ACSF3: variants seen among roughly 807,000 people sequenced by gnomAD.
ACSF3 encodes acyl-CoA synthetase family member 3.
A neutral mutation model predicts 53.2 loss-of-function variants in ACSF3; 78 were observed. The observed-to-expected ratio is 1.47, with a 90% CI of 1.22 to 1.77. The LOEUF (loss-of-function observed/expected upper bound fraction) is 1.77, where lower values mean the gene tolerates loss of function less well. ACSF3 is among the 40% of genes most tolerant of loss of function. The pLI, the probability that ACSF3 is intolerant of heterozygous loss-of-function variation, is 0.00. For synonymous variants in ACSF3, 414 were observed against 333.1 expected (o/e 1.24, Z -2.65); for missense variants, 937 against 771.1 (o/e 1.22, Z -2.55).
In ACSF3 at chr16:89,100,787, C is replaced by T; in HGVS notation, c.106C>T (p.Pro36Ser). 6.2e-7 allele frequency: 1 copy of T among 1,611,688 alleles called. No individual in the cohort carries two copies. Among genetic ancestry groups the T allele is most frequent in the South Asian group, 1.1e-5 (1 of 91,078 alleles). The change falls in exon 3 of 11, where the codon CCA (proline) becomes TCA (serine). Residue 36 changes from proline (P) to serine (S), a missense_variant. Coordinates refer to ENST00000614302, the MANE Select transcript of ACSF3 (RefSeq NM_001243279.3). ...HRGSGLLHTAPVARSDRSAPV... is the reference protein window; with the variant it reads ...HRGSGLLHTASVARSDRSAPV... ...AGGAAGTGGTCTTCTGCACACAGCCCCAGTGGCCCGCTCGGACAGGAGCGC... is the reference window on the plus strand; with the variant it reads ...AGGAAGTGGTCTTCTGCACACAGCCTCAGTGGCCCGCTCGGACAGGAGCGC...
chr16:89,124,510 A>G (rs1252924383), intron 7 of ACSF3, among the ~76,000 whole-genome samples: 1 of 151,562 alleles, frequency 6.6e-6, no homozygotes, highest in East Asian at 1.9e-4. Context: ...ACCTGTGCAC[A>G]TGCTGCATGT....
chr16:89,096,470 C>G (rs559269536), intron 1 of ACSF3, among the ~76,000 whole-genome samples: 1 of 152,146 alleles, frequency 6.6e-6, no homozygotes, highest in Non-Finnish European at 1.5e-5. Flanking sequence ...GGCTCTGATC[C>G]GATGACCGTG....
At position 89,154,254 on chromosome 16, in the gene ACSF3, C is replaced by T. The variant is rs201698539; in HGVS notation, c.*47C>T. ...GTCTGGTGGGGAGCAGCAGACGTCC[C>T]CTTCACACCGAGAACCACGGGGGCC... On this transcript the variant is annotated 3_prime_UTR_variant, in exon 11 of 11. Transcript: ENST00000614302. 3,412 of 1,580,832 alleles carry T rather than the reference C, an allele frequency of 2.2e-3. 8 individuals are homozygous for T. The highest frequency in any genetic ancestry group is 2.8e-3 in the Non-Finnish European group (3,183 of 1,156,176).
At chr16:89,130,858 C>A (rs376576708) in intron 7 of ACSF3, among the ~76,000 whole-genome samples, 1 of 152,164 alleles carries the variant, frequency 6.6e-6, no homozygotes, top group Admixed American at 6.5e-5. Context: ...GTAGCATGAA[C>A]GTTAGCCCTC....
At chr16:89,140,443 C>G (rs966166890) in intron 8 of ACSF3, among the ~76,000 whole-genome samples, 1 of 152,314 alleles carries the variant, frequency 6.6e-6, no homozygotes, top group Admixed American at 6.5e-5. Context: ...TCGGCTTGGG[C>G]GGGGTCCTTG....
At chr16:89,100,529 G>T in intron 2 of ACSF3, 133 bp from the exon 3 acceptor site, 1 of 882,780 alleles carries the variant, frequency 1.1e-6, no homozygotes, top group Non-Finnish European at 1.7e-6. Flanking sequence ...TGGCCTGTCT[G>T]GTGCGCTGCC....
At chr16:89,145,496 C>G in intron 9 of ACSF3, 95 bp downstream of exon 9, 2 of 1,462,816 alleles carry the variant, frequency 1.4e-6, no homozygotes, top group Non-Finnish European at 1.9e-6. Flanking sequence ...CGACGCCGTC[C>G]CAGCTGCCTG....
rs528379854 is a variant in ACSF3, at chr16:89,108,309, C to T, written c.823-3783C>T. ...TTCATTTGTCCCTACAGAGGTTCTC[C>T]GCGAAGCACTGTGCTTCCCCCAACT... is the stretch of plus-strand genomic sequence containing the variant. On this transcript the variant is annotated intron_variant, in intron 4 of 10. Transcript: ENST00000614302. Among the ~76,000 whole-genome samples, 14 of 152,250 alleles carry T rather than the reference C, an allele frequency of 9.2e-5. No individual in the cohort carries two copies. In the South Asian group the frequency reaches 1.7e-3, roughly 18 times the overall value.
intron 8 of ACSF3, among the ~76,000 whole-genome samples, chr16:89,136,211 C>T (rs1382444854): frequency 6.6e-6 from 1 of 152,256 alleles, no homozygotes; most frequent in Non-Finnish European, 1.5e-5. Flanking sequence ...AGATGCGGGG[C>T]TGCGAGCGTG....
chr16:89,151,011 A>G lies in ACSF3; in HGVS notation c.1614-3079A>G, dbSNP rs1199675531. The G allele has an allele frequency of 3.9e-6, 5 of 1,287,536 alleles. No homozygotes were observed. The East Asian group carries it at 2.8e-4, about 72-fold the overall frequency. 79.8% of individuals were successfully genotyped at this position (1,287,536 alleles called of 1,614,324 possible). On this transcript the variant is annotated intron_variant, in intron 10 of 10. Coordinates refer to ENST00000614302, the MANE Select transcript of ACSF3 (RefSeq NM_001243279.3). ...TCACAGTCAAATTTCCCCAAACCAA[A>G]GGTCATGAGTTTTCAGGTTGAAAGA...
chr16:89,105,468 G>A (rs1291050237), intron 4 of ACSF3, among the ~76,000 whole-genome samples: 1 of 152,182 alleles, frequency 6.6e-6, no homozygotes, highest in Non-Finnish European at 1.5e-5. Context: ...TGCAGCGCCT[G>A]GTGTGTAGGG....
At chr16:89,151,381 C>G (rs1371149639) in intron 10 of ACSF3, 2 of 368,096 alleles carry the variant, frequency 5.4e-6, no homozygotes, top group African/African-American at 4.2e-5. Context: ...TGGGGAGGAA[C>G]ACTTCCTAAC....
intron 8 of ACSF3, 194 bp from the exon 9 acceptor site, chr16:89,145,073 G>A (rs1912635594): frequency 4.0e-6 from 6 of 1,488,854 alleles, no homozygotes; most frequent in Non-Finnish European, 5.5e-6. Context: ...GACGCACGTC[G>A]TGACCACCAG....
intron 4 of ACSF3, among the ~76,000 whole-genome samples, chr16:89,109,429 T>G (rs1473868038): frequency 1.1e-4 from 10 of 91,818 alleles, no homozygotes; most frequent in African/African-American, 4.5e-4. Context: ...TTTTTTTTTT[T>G]GAGATGGAGT....
At position 89,124,645 on chromosome 16, in the gene ACSF3, G is replaced by A. The variant is rs185799386; in HGVS notation, c.1239+3732G>A. On this transcript the variant is annotated intron_variant, in intron 7 of 10. Transcript: ENST00000614302. ...TGTGATACCTGTGCACATACCATGT[G>A]TATGTGATAACTGTGCACGCACTGC... Among the ~76,000 whole-genome samples the A allele has an allele frequency of 7.9e-5, 12 of 152,020 alleles. No homozygotes were observed. In the East Asian group the frequency reaches 2.3e-3, roughly 29 times the overall value.
At chr16:89,099,163 G>A (rs987074561) in intron 2 of ACSF3, among the ~76,000 whole-genome samples, 2 of 152,244 alleles carry the variant, frequency 1.3e-5, no homozygotes, top group Non-Finnish European at 2.9e-5. Context: ...GGAATGCGGG[G>A]GCTGTGCCCC....
At position 89,133,943 on chromosome 16, in the gene ACSF3, C is replaced by T. The variant is rs533024872; in HGVS notation, c.1366+681C>T. Among the ~76,000 whole-genome samples, 173 of 152,318 alleles carry T rather than the reference C, an allele frequency of 1.1e-3. 2 individuals are homozygous for T. The highest frequency in any genetic ancestry group is 3.8e-3 in the African/African-American group (156 of 41,576). ...CCCCCACTGCCACCCTCCTGCTCTCCCTGAGCCTGCCCTGAGCTGCTGCTG... is the reference window on the plus strand; with the variant it reads ...CCCCCACTGCCACCCTCCTGCTCTCTCTGAGCCTGCCCTGAGCTGCTGCTG... On this transcript the variant is annotated intron_variant, in intron 8 of 10. Transcript: ENST00000614302.
chr16:89,154,373 C>G lies in ACSF3; in HGVS notation c.*166C>G. On this transcript the variant is annotated 3_prime_UTR_variant, in exon 11 of 11. Coordinates refer to ENST00000614302, the MANE Select transcript of ACSF3 (RefSeq NM_001243279.3). ...GGGATGAAATCACCATGTGGGGTCC[C>G]CAGCCTCGGGCCAGTTGTTGCAGCT... The G allele has an allele frequency of 1.4e-6, 1 of 735,530 alleles. No homozygotes were observed. The highest frequency in any genetic ancestry group is 2.7e-5 in the East Asian group (1 of 36,686). 45.6% of individuals were successfully genotyped at this position (735,530 alleles called of 1,614,324 possible).
In ACSF3 at chr16:89,154,110, C is replaced by T. The variant is rs945908773; in HGVS notation, c.1634C>T (p.Ala545Val). 9 of 1,613,056 alleles carry T rather than the reference C, an allele frequency of 5.6e-6. No homozygotes were observed. Among genetic ancestry groups the T allele is most frequent in the Admixed American group, 5.0e-5 (3 of 59,902 alleles). ...EWARNVLAPY[A>V]VPSELVLVEE... ...TGCAGAAATGTCCTGGCCCCGTACG[C>T]GGTGCCCTCGGAGCTGGTGCTGGTG... is the stretch of plus-strand genomic sequence containing the variant. The change falls in exon 11 of 11, where the codon GCG becomes GTG. Residue 545 changes from alanine to valine, a missense_variant. Coordinates refer to ENST00000614302, the MANE Select transcript of ACSF3 (RefSeq NM_001243279.3).
Sources: gnomAD v4.1 joint callset for allele counts (sites outside exome capture counted in the v4.1 genomes callset) on GRCh38, gnomAD v4.1.1 for gene constraint, MANE v1.5 for transcripts, NCBI Gene and HGNC (gene_info 2026-07-23, HGNC 2026-07-21) for gene names.